Variants in ASB18 observed in about 807,000 individuals in gnomAD.
The protein encoded by ASB18 is ankyrin repeat and SOCS box protein 18.
ASB18 carries 33 observed loss-of-function variants against 33.4 expected under a neutral mutation model. That is an observed-to-expected ratio of 0.99 (90% CI 0.75 to 1.32). The LOEUF is 1.32. Among genes scored for constraint, ASB18 ranks in the 40% most tolerant of loss-of-function variants. The pLI is 0.00. For synonymous variants in ASB18, 295 were observed against 307.6 expected (o/e 0.96, Z 0.43); for missense variants, 694 against 655.5 (o/e 1.06, Z -0.64).
intron 4 of ASB18, among the ~76,000 whole-genome samples, chr2:236,210,861 C>A (rs544923356): frequency 6.6e-6 from 1 of 152,202 alleles, no homozygotes; most frequent in Non-Finnish European, 1.5e-5. Flanking sequence ...ACTGTCAGCT[C>A]TGTGTCCCAT....
At chr2:236,230,151 T>A (rs2060557830) in intron 3 of ASB18, among the ~76,000 whole-genome samples, 1 of 151,894 alleles carries the variant, frequency 6.6e-6, no homozygotes, top group African/African-American at 2.4e-5. Context: ...TTTCTCATTT[T>A]AAAAAATTTA....
chr2:236,219,973 A>G lies in ASB18; in HGVS notation c.597-5107T>C, dbSNP rs1269736089. On this transcript the variant is annotated intron_variant, in intron 3 of 5. Coordinates refer to ENST00000409749, the MANE Select transcript of ASB18 (RefSeq NM_212556.4). The surrounding 1 kb of genome is among the most constrained non-coding windows in gnomAD (Gnocchi z 6.4). ...CCATGTTGTCTCAACAGCTTCTGAT[A>G]TGAAGCAACTTGGACAAACACATTA... 1.3e-5 allele frequency among the ~76,000 whole-genome samples: 2 copies of G among 152,224 alleles called. No homozygotes were observed. Among genetic ancestry groups the G allele is most frequent in the Non-Finnish European group, 2.9e-5 (2 of 68,034 alleles).
Position 236,235,728 on chromosome 2 carries a change from C to G in ASB18, c.596+1961G>C, listed in dbSNP as rs1382506273. ...TAGTTATTGTTATTATTATTTGAGA[C>G]AGGGTCTCAACTCTGTCACCCAGGC... On this transcript the variant is annotated intron_variant, in intron 3 of 5. Coordinates refer to ENST00000409749, the MANE Select transcript of ASB18 (RefSeq NM_212556.4). This position sits in a 1 kb window ranked among gnomAD's most constrained non-coding sequence, Gnocchi z 6.2. Among the ~76,000 whole-genome samples, 2 of 152,202 alleles carry G rather than the reference C, an allele frequency of 1.3e-5. No individual in the cohort carries two copies. The highest frequency in any genetic ancestry group is 1.5e-5 in the Non-Finnish European group (1 of 68,042).
In ASB18 at chr2:236,241,419, G is replaced by T; in HGVS notation, c.206-17C>A. 6.2e-7 allele frequency: 1 copy of T among 1,613,908 alleles called. No individual in the cohort carries two copies. Among genetic ancestry groups the T allele is most frequent in the Admixed American group, 1.7e-5 (1 of 60,016 alleles). ...CGAGGTCCCCTGCGACCAGGGCAGTGTGGTACTCCTGCACCGGGGACCCTG... is the reference window on the plus strand; with the variant it reads ...CGAGGTCCCCTGCGACCAGGGCAGTTTGGTACTCCTGCACCGGGGACCCTG... On this transcript the variant is annotated splice_polypyrimidine_tract_variant and intron_variant, in intron 1 of 5. Transcript: ENST00000409749. This position sits in a 1 kb window ranked among gnomAD's most constrained non-coding sequence, Gnocchi z 4.2.
At chr2:236,233,125 G>A (rs1231446551) in intron 3 of ASB18, among the ~76,000 whole-genome samples, 1 of 151,972 alleles carries the variant, frequency 6.6e-6, no homozygotes, top group Non-Finnish European at 1.5e-5. Context: ...AGGAATGCAA[G>A]GTTGGTTTAA....
intron 1 of ASB18, among the ~76,000 whole-genome samples, chr2:236,246,789 C>T (rs1173145125): frequency 7.3e-6 from 1 of 136,096 alleles, no homozygotes; most frequent in Non-Finnish European, 1.5e-5. Flanking sequence ...ATATGAAGCT[C>T]TTTGGGTCTT....
chr2:236,241,644 T>C lies in ASB18; in HGVS notation c.206-242A>G, dbSNP rs1374534408. Reference sequence around the variant, plus strand: ...TTGGGGCTCGATGGTGGTATATTTATAACTCCTGTGGGCTCCGATGTGATA... The same window carrying C: ...TTGGGGCTCGATGGTGGTATATTTACAACTCCTGTGGGCTCCGATGTGATA... On this transcript the variant is annotated intron_variant, in intron 1 of 5. Coordinates refer to ENST00000409749, the MANE Select transcript of ASB18 (RefSeq NM_212556.4). This position sits in a 1 kb window ranked among gnomAD's most constrained non-coding sequence, Gnocchi z 4.2. 1 of 630,484 alleles carries C rather than the reference T, an allele frequency of 1.6e-6. No individual in the cohort carries two copies. The highest frequency in any genetic ancestry group is 2.7e-5 in the East Asian group (1 of 36,728). 39.1% of individuals were successfully genotyped at this position (630,484 alleles called of 1,614,324 possible).
In ASB18 at chr2:236,256,089, GGC is replaced by G. The variant is rs1209330992; in HGVS notation, c.205+8050_205+8051del. ...CACTGTTGCCAGGTTGGAGTGCAGT[GGC>G]ATGATCACGGTTCACTGCAGCACCT... On this transcript the variant is annotated intron_variant, in intron 1 of 5. Transcript: ENST00000409749. This position sits in a 1 kb window ranked among gnomAD's most constrained non-coding sequence, Gnocchi z 4.7. Among the ~76,000 whole-genome samples the G allele has an allele frequency of 6.6e-6, 1 of 152,020 alleles. No individual in the cohort carries two copies.
chr2:236,252,267 TCA>T lies in ASB18; in HGVS notation c.206-10867_206-10866del, dbSNP rs113672805. On this transcript the variant is annotated intron_variant, in intron 1 of 5. Coordinates refer to ENST00000409749, the MANE Select transcript of ASB18 (RefSeq NM_212556.4). The surrounding 1 kb of genome is among the most constrained non-coding windows in gnomAD (Gnocchi z 7.9). The stretch of plus-strand genomic sequence containing the variant: ...GCCTTGGCAACAGAGTGAGACTCCG[TCA>T]CACACACACACACACACACACACAC... 0.085 allele frequency among the ~76,000 whole-genome samples: 11,733 copies of T among 138,450 alleles called. 538 individuals are homozygous for T. The highest frequency in any genetic ancestry group is 0.18 in the Middle Eastern group (48 of 268). The allele number at this position is 138,450 out of a possible 152,430, so 90.8% of individuals were successfully genotyped here.
intron 4 of ASB18, among the ~76,000 whole-genome samples, chr2:236,202,814 T>TATATATATATATATACACAC (rs1472095135): frequency 8.2e-4 from 103 of 126,322 alleles, no homozygotes; most frequent in African/African-American, 3.1e-3. Flanking sequence ...TATATATATA[T>TATATATATATATATACACAC]ACACACACCT....
rs1396907148 is a variant in ASB18, at chr2:236,214,391, G to A, written c.1072C>T (p.Pro358Ser). 6.3e-7 allele frequency: 1 copy of A among 1,576,642 alleles called. No individual in the cohort carries two copies. Among genetic ancestry groups the A allele is most frequent in the Non-Finnish European group, 8.6e-7 (1 of 1,166,524 alleles). ...TVQALLNHGS[P>S]TVWPDAFPKV... ...GGGAAGGCGTCGGGCCACACGGTGG[G>A]AGAGCCGTGGTTGAGCAGCGCCTGC... Residue 358 changes from proline (P) to serine (S), a missense_variant, in exon 4 of 6, where the codon CCC becomes TCC. Coordinates refer to ENST00000409749, the MANE Select transcript of ASB18 (RefSeq NM_212556.4). This position sits in a 1 kb window ranked among gnomAD's most constrained non-coding sequence, Gnocchi z 6.5.
rs1179154977 is a variant in ASB18 at position 236,235,004 on chromosome 2, C to A, written c.596+2685G>T. Among the ~76,000 whole-genome samples the A allele has an allele frequency of 1.3e-5, 2 of 152,164 alleles. No individual in the cohort carries two copies. Among genetic ancestry groups the A allele is most frequent in the Non-Finnish European group, 2.9e-5 (2 of 68,030 alleles). On this transcript the variant is annotated intron_variant, in intron 3 of 5. Coordinates refer to ENST00000409749, the MANE Select transcript of ASB18 (RefSeq NM_212556.4). The surrounding 1 kb of genome is among the most constrained non-coding windows in gnomAD (Gnocchi z 6.2). ...AAAGACATTGCTAAGAGAATAAAAT[C>A]TAAGCCAGAGACTGGCAGGTAATAC...
In ASB18 at chr2:236,244,124, C is replaced by A. The variant is rs1007862956; in HGVS notation, c.206-2722G>T. On this transcript the variant is annotated intron_variant, in intron 1 of 5. Transcript: ENST00000409749. This position sits in a 1 kb window ranked among gnomAD's most constrained non-coding sequence, Gnocchi z 6.1. ...TACAGGTGTGAGCCACCGTGCCCGG[C>A]CTGTTTTTCTTTCTTTCTTTCAACC... Among the ~76,000 whole-genome samples, 1 of 152,208 alleles carries A rather than the reference C, an allele frequency of 6.6e-6. No homozygotes were observed. Among genetic ancestry groups the A allele is most frequent in the African/African-American group, 2.4e-5 (1 of 41,462 alleles).
intron 3 of ASB18, among the ~76,000 whole-genome samples, chr2:236,227,200 C>T (rs1195914618): frequency 1.3e-5 from 2 of 152,052 alleles, no homozygotes; most frequent in Non-Finnish European, 2.9e-5. Flanking sequence ...GTTATATTTT[C>T]CATAGGAACA....
rs1217822887 is a variant in ASB18 at position 236,255,791 on chromosome 2, C to T, written c.205+8350G>A. Among the ~76,000 whole-genome samples, 23 of 152,154 alleles carry T rather than the reference C, an allele frequency of 1.5e-4. No homozygotes were observed. On this transcript the variant is annotated intron_variant, in intron 1 of 5. Coordinates refer to ENST00000409749, the MANE Select transcript of ASB18 (RefSeq NM_212556.4). The surrounding 1 kb of genome is among the most constrained non-coding windows in gnomAD (Gnocchi z 4.4). ...CCAATCTCTTTGCCTGGGGCTTCCTCTCTTCTCTGATTTACACACCCAAGT... is the reference window on the plus strand; with the variant it reads ...CCAATCTCTTTGCCTGGGGCTTCCTTTCTTCTCTGATTTACACACCCAAGT...
chr2:236,202,578 T>C lies in ASB18; in HGVS notation c.1102-6193A>G, dbSNP rs935595447. ...GCTCACGCCTGTAATCCCAACACTTTGGGAGGCTGAGGCGGGTAGATCACG... is the reference window on the plus strand; with the variant it reads ...GCTCACGCCTGTAATCCCAACACTTCGGGAGGCTGAGGCGGGTAGATCACG... On this transcript the variant is annotated intron_variant, in intron 4 of 5. Coordinates refer to ENST00000409749, the MANE Select transcript of ASB18 (RefSeq NM_212556.4). Among the ~76,000 whole-genome samples the C allele has an allele frequency of 1.5e-3, 225 of 151,874 alleles. 1 individual carries two copies. Among genetic ancestry groups the C allele is most frequent in the Non-Finnish European group, 1.2e-3 (79 of 67,952 alleles).
In ASB18 at chr2:236,252,529, G is replaced by A. The variant is rs1023642891; in HGVS notation, c.206-11127C>T. 2.6e-5 allele frequency among the ~76,000 whole-genome samples: 4 copies of A among 152,100 alleles called. No individual in the cohort carries two copies. Among genetic ancestry groups the A allele is most frequent in the Non-Finnish European group, 4.4e-5 (3 of 68,010 alleles). On this transcript the variant is annotated intron_variant, in intron 1 of 5. Coordinates refer to ENST00000409749, the MANE Select transcript of ASB18 (RefSeq NM_212556.4). This position sits in a 1 kb window ranked among gnomAD's most constrained non-coding sequence, Gnocchi z 7.9. ...CAGGGAGGTGTAGGACACGGAAGGT[G>A]CATTTCCTCCCCAGGATGTCTGTTT...
chr2:236,230,434 T>C (rs976584716), intron 3 of ASB18, among the ~76,000 whole-genome samples: 1 of 150,434 alleles, frequency 6.6e-6, no homozygotes, highest in Non-Finnish European at 1.5e-5. Context: ...GAAGTGGAAA[T>C]GGTAACTATA....
intron 3 of ASB18, among the ~76,000 whole-genome samples, chr2:236,236,070 G>A (rs2060587445): frequency 6.6e-6 from 1 of 152,132 alleles, no homozygotes; most frequent in African/African-American, 2.4e-5. Context: ...CCCATTCAAA[G>A]GCTGGCACAC....
Sources: gnomAD v4.1 joint callset for allele counts (sites outside exome capture counted in the v4.1 genomes callset) on GRCh38, gnomAD v4.1.1 for gene constraint, Gnocchi (gnomAD v3.1) non-coding constraint, MANE v1.5 for transcripts, NCBI Gene and HGNC (gene_info 2026-07-23, HGNC 2026-07-21) for gene names.